GLI2: variants seen among roughly 807,000 people sequenced by gnomAD.
The protein encoded by GLI2 is GLI family zinc finger 2.
A neutral mutation model predicts 78.9 loss-of-function variants in GLI2; 22 were observed. That is an observed-to-expected ratio of 0.28 (90% CI 0.20 to 0.40). GLI2 has a LOEUF of 0.40. Ranked by LOEUF, GLI2 falls within the 10% of genes least tolerant of loss-of-function variation. The pLI is 1.00. For synonymous variants in GLI2, 974 were observed against 963.7 expected, an observed-to-expected ratio of 1.01 and a Z score of -0.20; for missense variants, 2,097 against 2,213.2, an observed-to-expected ratio of 0.95 and a Z score of 1.05.
chr2:120,949,496 C>A (rs1680877111), intron 3 of GLI2, among the ~76,000 whole-genome samples: 1 of 152,256 alleles, frequency 6.6e-6, no homozygotes, highest in Non-Finnish European at 1.5e-5. Context: ...GCAGATGCAC[C>A]TGTCAGCTTG....
At chr2:120,856,988 G>A (rs562945657) in intron 2 of GLI2, among the ~76,000 whole-genome samples, 2 of 152,112 alleles carry the variant, frequency 1.3e-5, no homozygotes, top group Non-Finnish European at 2.9e-5. Context: ...GGTGTGGGCC[G>A]GGGCTTATGG....
At chr2:120,848,913 T>TTAC (rs2104601943) in intron 2 of GLI2, among the ~76,000 whole-genome samples, 1 of 151,560 alleles carries the variant, frequency 6.6e-6, no homozygotes, top group South Asian at 2.1e-4. Context: ...CTGTCATGTA[T>TTAC]TACTCTAAGT....
intron 5 of GLI2, 66 bp from the exon 6 acceptor site, chr2:120,968,648 A>G (rs1221390032): frequency 3.4e-6 from 3 of 880,826 alleles, no homozygotes; most frequent in Non-Finnish European, 5.6e-6. Flanking sequence ...CCTATCCCCC[A>G]CCCACATGTC....
rs773976966 is a variant in GLI2 at position 120,986,479 on chromosome 2, C to A, written c.2107C>A (p.Arg703Ser). Residue 703 changes from arginine to serine, a missense_variant, in exon 13 of 14, where the codon CGC becomes AGC. Arg to Ser is a moderately radical substitution (Grantham distance 110, BLOSUM62 -1). Around this residue, in one of 5 missense-constraint regions of GLI2, gnomAD observed 1,290 missense variants for 1,261.7 expected, o/e 1.02. Transcript: ENST00000361492. ...AAPSAGGLQLRKHMTTMHRFE... is the reference protein window; with the variant it reads ...AAPSAGGLQLSKHMTTMHRFE... ...CCCCTCCGCTGGTGGCCTCCAGCTG[C>A]GCAAACACATGACCACCATGCACCG... 6 of 1,613,966 alleles carry A rather than the reference C, an allele frequency of 3.7e-6. No individual in the cohort carries two copies. The highest frequency in any genetic ancestry group is 5.1e-6 in the Non-Finnish European group (6 of 1,180,016).
At chr2:120,897,339 A>G (rs1406334738) in intron 2 of GLI2, among the ~76,000 whole-genome samples, 1 of 152,214 alleles carries the variant, frequency 6.6e-6, no homozygotes, top group Non-Finnish European at 1.5e-5. Context: ...ATCGTCTCTC[A>G]GTTTTGCTCA....
intron 2 of GLI2, among the ~76,000 whole-genome samples, chr2:120,856,500 C>T (rs953819180): frequency 1.3e-4 from 20 of 152,116 alleles, no homozygotes; most frequent in Non-Finnish European, 2.1e-4. Context: ...TCATGGGCCT[C>T]GTTTTAAAGT....
intron 8 of GLI2, among the ~76,000 whole-genome samples, 184 bp downstream of exon 8, chr2:120,972,247 C>G (rs967470382): frequency 6.6e-6 from 1 of 152,182 alleles, no homozygotes; most frequent in African/African-American, 2.4e-5. Flanking sequence ...TTCCCAGCAC[C>G]CTGGACATAC....
chr2:120,916,836 C>T lies in GLI2; in HGVS notation c.149-10525C>T, dbSNP rs1217530923. On this transcript the variant is annotated intron_variant, in intron 2 of 13. Transcript: ENST00000361492. ...GCCCAAAGCCTGTGTATGTCAAGGC[C>T]ATATTAGTGGGACAATGTGTCTGAA... 5.9e-5 allele frequency among the ~76,000 whole-genome samples: 9 copies of T among 152,190 alleles called. 1 individual carries two copies. The highest frequency in any genetic ancestry group is 3.3e-4 in the Admixed American group (5 of 15,282).
chr2:120,871,364 G>C (rs1287636277), intron 2 of GLI2, among the ~76,000 whole-genome samples: 1 of 152,210 alleles, frequency 6.6e-6, no homozygotes, highest in Non-Finnish European at 1.5e-5. Flanking sequence ...AGGATGCACG[G>C]GAGCTGGCTG....
At chr2:120,770,835 C>T (rs779246371) in intron 1 of GLI2, among the ~76,000 whole-genome samples, 34 of 152,296 alleles carry the variant, frequency 2.2e-4, no homozygotes, top group South Asian at 1.2e-3. Flanking sequence ...TCAGTGCTGA[C>T]CACCTACCCT....
intron 2 of GLI2, among the ~76,000 whole-genome samples, chr2:120,858,788 G>C (rs989796896): frequency 1.3e-5 from 2 of 152,166 alleles, no homozygotes; most frequent in African/African-American, 2.4e-5. Flanking sequence ...GGGGGCACAG[G>C]CATTTAATCA....
chr2:120,861,904 G>C (rs780509010), intron 2 of GLI2, among the ~76,000 whole-genome samples: 7 of 152,158 alleles, frequency 4.6e-5, no homozygotes, highest in Non-Finnish European at 1.0e-4. Context: ...CTGGCAGCTC[G>C]GCAGATTTCA....
intron 2 of GLI2, among the ~76,000 whole-genome samples, chr2:120,919,196 T>TA (rs1457372839): frequency 6.6e-6 from 1 of 152,238 alleles, no homozygotes; most frequent in Non-Finnish European, 1.5e-5. Context: ...AAGAAAATAA[T>TA]ACTGTGCTGG....
At position 120,789,033 on chromosome 2, in the gene GLI2, C is replaced by CTTT. The variant is rs35017068; in HGVS notation, c.-30-8243_-30-8241dup. Among the ~76,000 whole-genome samples the CTTT allele has an allele frequency of 3.1e-3, 394 of 126,606 alleles. 7 individuals carry two copies. Among genetic ancestry groups the CTTT allele is most frequent in the African/African-American group, 0.012 (372 of 31,736 alleles). 83.1% of individuals were successfully genotyped at this position (126,606 alleles called of 152,430 possible). ...TGGCTTATCACTTATTTCTTTCTTT[C>CTTT]TTTTTTTTTTTTTTTTTGAGACGGA... On this transcript the variant is annotated intron_variant, in intron 1 of 13. Transcript: ENST00000361492.
chr2:120,895,573 T>TG (rs1397950018), intron 2 of GLI2, among the ~76,000 whole-genome samples: 1 of 152,018 alleles, frequency 6.6e-6, no homozygotes. Flanking sequence ...CATGGTGACA[T>TG]GGGCCTGTAA....
chr2:120,982,511 G>GCGAC lies in GLI2; in HGVS notation c.1468-202_1468-199dup, dbSNP rs1290314539. Among the ~76,000 whole-genome samples the GCGAC allele has an allele frequency of 4.6e-5, 7 of 152,186 alleles. No individual in the cohort carries two copies. The South Asian group carries it at 8.3e-4, about 18-fold the overall frequency. On this transcript the variant is annotated intron_variant, in intron 10 of 13. Transcript: ENST00000361492. The stretch of plus-strand genomic sequence containing the variant: ...GCGTGTCAGCAGTAGCAGCCCCTGG[G>GCGAC]CGACCGGTGGTTTTCATTTTTCTCT...
intron 2 of GLI2, among the ~76,000 whole-genome samples, chr2:120,802,400 G>C (rs901756324): frequency 2.6e-5 from 4 of 152,230 alleles, no homozygotes; most frequent in Admixed American, 2.6e-4. Flanking sequence ...GGGAGGGCGA[G>C]TTCTTTCCCA....
chr2:120,811,878 T>C (rs938920157), intron 2 of GLI2, among the ~76,000 whole-genome samples: 1 of 152,154 alleles, frequency 6.6e-6, no homozygotes, highest in Admixed American at 6.5e-5. Flanking sequence ...CTCTTCCTTT[T>C]TTCCACAAGT....
At chr2:120,742,882 A>G (rs746814884) in intron 1 of GLI2, among the ~76,000 whole-genome samples, 2 of 152,260 alleles carry the variant, frequency 1.3e-5, no homozygotes, top group Non-Finnish European at 2.9e-5. Flanking sequence ...GATTTACTTA[A>G]TAATTTCAAC....
Sources: allele counts gnomAD v4.1 joint callset (sites outside exome capture counted in the v4.1 genomes callset), GRCh38; gene constraint gnomAD v4.1.1; regional missense constraint gnomAD v4.1.1; transcripts MANE v1.5; gene names NCBI Gene and HGNC (gene_info 2026-07-23, HGNC 2026-07-21).